CDH4: variants seen among roughly 807,000 people sequenced by gnomAD.
The protein encoded by CDH4 is cadherin 4.
In CDH4, 33 loss-of-function variants were observed where a neutral mutation model predicts 86.0. The ratio of observed to expected loss-of-function variants is 0.38; its 90% CI spans 0.29 to 0.51. The LOEUF is 0.51. Ranked by LOEUF, CDH4 falls within the 20% of genes least tolerant of loss-of-function variation. The pLI is 0.86. For missense variants in CDH4, 1,114 were observed against 1,307.4 expected, an observed-to-expected ratio of 0.85 and a Z score of 2.28; for synonymous variants, 555 against 549.4, an observed-to-expected ratio of 1.01 and a Z score of -0.14.
At chr20:61,540,685 TTTTCTG>T (rs1357056706) in intron 2 of CDH4, among the ~76,000 whole-genome samples, 37 of 152,186 alleles carry the variant, frequency 2.4e-4, no homozygotes, top group African/African-American at 8.7e-4. Context: ...TTCAACAGAT[TTTTCTG>T]TTTCTAAGAT....
intron 9 of CDH4, among the ~76,000 whole-genome samples, chr20:61,923,240 TCTC>T (rs1019444906): frequency 3.3e-5 from 5 of 152,208 alleles, no homozygotes; most frequent in African/African-American, 9.6e-5. Context: ...CTCCTCCCTC[TCTC>T]CTCCCATCGG....
chr20:61,547,223 TG>T (rs376393456), intron 2 of CDH4, among the ~76,000 whole-genome samples: 43,331 of 88,738 alleles, frequency 0.49, 12,629 homozygotes, highest in Middle Eastern at 0.59. Context: ...TTTTTTTTTT[TG>T]CCCCCTGAGA....
chr20:61,850,753 A>T (rs1941479276), intron 5 of CDH4, among the ~76,000 whole-genome samples: 1 of 152,252 alleles, frequency 6.6e-6, no homozygotes. Context: ...CTCCACCGTC[A>T]TGGTGAGGTC....
At chr20:61,481,590 A>G (rs949067418) in intron 2 of CDH4, among the ~76,000 whole-genome samples, 3 of 152,210 alleles carry the variant, frequency 2.0e-5, no homozygotes. Flanking sequence ...TACAGTAAAC[A>G]TTTCTTTAGA....
chr20:61,536,713 A>G (rs551675735), intron 2 of CDH4, among the ~76,000 whole-genome samples: 4 of 152,344 alleles, frequency 2.6e-5, no homozygotes, highest in East Asian at 3.9e-4. Flanking sequence ...ATACATACAT[A>G]TACACATACA....
chr20:61,937,215 T>TG lies in CDH4; in HGVS notation c.*272_*273insG, dbSNP rs2055203054. 1 of 239,238 alleles carries TG rather than the reference T, an allele frequency of 4.2e-6. No homozygotes were observed. The highest frequency in any genetic ancestry group is 7.4e-6 in the Non-Finnish European group (1 of 135,168). The allele number at this position is 239,238 out of a possible 1,614,324, so 14.8% of individuals were successfully genotyped here. ...GAATTTCCTAGAACAGAAGCACTGT[T>TG]TTTAAAAAAAAAAAAAAAAAAAGAA... On this transcript the variant is annotated 3_prime_UTR_variant, in exon 16 of 16. Transcript: ENST00000614565.
intron 6 of CDH4, among the ~76,000 whole-genome samples, chr20:61,863,971 A>C (rs6089529): frequency 0.9 from 136,993 of 152,292 alleles, 63,340 homozygotes; most frequent in East Asian, 1. Flanking sequence ...GCCCTGCCCC[A>C]CAATTCACAT....
chr20:61,802,567 T>A (rs1422705270), intron 4 of CDH4, among the ~76,000 whole-genome samples: 1 of 151,954 alleles, frequency 6.6e-6, no homozygotes, highest in African/African-American at 2.4e-5. Context: ...AAAACAACTG[T>A]CTCCGTTGGG....
intron 2 of CDH4, among the ~76,000 whole-genome samples, chr20:61,625,004 A>G (rs2086816985): frequency 6.6e-6 from 1 of 152,202 alleles, no homozygotes; most frequent in Non-Finnish European, 1.5e-5. Context: ...AATCGCAGAC[A>G]CATTGTAAGG....
At chr20:61,885,968 C>G (rs1409305921) in intron 7 of CDH4, among the ~76,000 whole-genome samples, 7 of 152,242 alleles carry the variant, frequency 4.6e-5, no homozygotes, top group Non-Finnish European at 1.0e-4. Context: ...GCTGGAGAAG[C>G]TCCCAGAGCA....
intron 2 of CDH4, among the ~76,000 whole-genome samples, chr20:61,464,648 G>T (rs1294213490): frequency 6.6e-6 from 1 of 152,198 alleles, no homozygotes; most frequent in Non-Finnish European, 1.5e-5. Flanking sequence ...GGCTAGAGCA[G>T]CCAGTTGGAC....
In CDH4 at chr20:61,544,057, G is replaced by A. The variant is rs1045009852; in HGVS notation, c.170-199506G>A. 6.6e-6 allele frequency among the ~76,000 whole-genome samples: 1 copy of A among 151,884 alleles called. No homozygotes were observed. The highest frequency in any genetic ancestry group is 6.6e-5 in the Admixed American group (1 of 15,252). On this transcript the variant is annotated intron_variant, in intron 2 of 15. Coordinates refer to ENST00000614565, the MANE Select transcript of CDH4 (RefSeq NM_001794.5). This position sits in a 1 kb window ranked among gnomAD's most constrained non-coding sequence, Gnocchi z 6.5. Reference sequence around the variant, plus strand: ...CCCCACACCCCCGGCCCCACACCTGGCTCTTGGCACTAAGGTCCTTGGAGG... The same window carrying A: ...CCCCACACCCCCGGCCCCACACCTGACTCTTGGCACTAAGGTCCTTGGAGG...
intron 4 of CDH4, among the ~76,000 whole-genome samples, chr20:61,799,430 G>A (rs543966254): frequency 6.6e-6 from 1 of 152,240 alleles, no homozygotes; most frequent in Non-Finnish European, 1.5e-5. Flanking sequence ...CCTGCAGGCT[G>A]GTAGGGACTT....
intron 7 of CDH4, among the ~76,000 whole-genome samples, chr20:61,875,236 G>A (rs561205464): frequency 5.9e-5 from 9 of 152,280 alleles, no homozygotes; most frequent in Non-Finnish European, 1.0e-4. Context: ...AATCCCACCC[G>A]TCTCTGTCCC....
At chr20:61,287,199 G>A (rs2084297655) in intron 2 of CDH4, among the ~76,000 whole-genome samples, 1 of 152,200 alleles carries the variant, frequency 6.6e-6, no homozygotes, top group African/African-American at 2.4e-5. Context: ...TGGTGACTTT[G>A]TGGGGTGCCT....
At chr20:61,322,657 C>CTGTT (rs1402646380) in intron 2 of CDH4, among the ~76,000 whole-genome samples, 1 of 152,182 alleles carries the variant, frequency 6.6e-6, no homozygotes, top group Non-Finnish European at 1.5e-5. Context: ...CCAGGCAAGG[C>CTGTT]TGTTTGCCAG....
intron 2 of CDH4, among the ~76,000 whole-genome samples, chr20:61,405,415 C>A (rs767532878): frequency 1.2e-4 from 19 of 152,132 alleles, no homozygotes; most frequent in Admixed American, 3.3e-4. Context: ...ATTTTAGGGG[C>A]TGTGAGCCTC....
rs552650853 is a variant in CDH4 at position 61,733,023 on chromosome 20, C to T, written c.170-10540C>T. On this transcript the variant is annotated intron_variant, in intron 2 of 15. Transcript: ENST00000614565. The stretch of plus-strand genomic sequence containing the variant: ...AGACCCCAGCTCCCACCTCTGAAAA[C>T]GGGGGTGCTCTGGGCTGTGTGGGGG... Among the ~76,000 whole-genome samples, 5 of 151,918 alleles carry T rather than the reference C, an allele frequency of 3.3e-5. No homozygotes were observed. The East Asian group carries it at 5.8e-4, about 18-fold the overall frequency.
At chr20:61,655,143 A>G (rs900587419) in intron 2 of CDH4, among the ~76,000 whole-genome samples, 4 of 152,220 alleles carry the variant, frequency 2.6e-5, no homozygotes, top group Admixed American at 6.5e-5. Context: ...ACACACACGT[A>G]ATTATGTATG....
Sources: gnomAD v4.1 joint callset for allele counts (sites outside exome capture counted in the v4.1 genomes callset) on GRCh38, gnomAD v4.1.1 for gene constraint, Gnocchi (gnomAD v3.1) non-coding constraint, MANE v1.5 for transcripts, NCBI Gene and HGNC (gene_info 2026-07-23, HGNC 2026-07-21) for gene names.